Variants in ANKRD55 observed in about 807,000 individuals in gnomAD.
ANKRD55 encodes ankyrin repeat domain 55, also known as ankyrin repeat domain-containing protein 55.
Under a neutral mutation model 60.6 loss-of-function variants are expected in ANKRD55, and 41 were observed. The observed-to-expected ratio is 0.68, with a 90% CI of 0.53 to 0.88. ANKRD55 has a LOEUF of 0.88. ANKRD55 is among the 40% of genes least tolerant of loss of function. The pLI, the probability that ANKRD55 is intolerant of heterozygous loss-of-function variation, is 0.00. For missense variants in ANKRD55, 732 were observed against 767.6 expected (o/e 0.95, Z 0.55); for synonymous variants, 264 against 290.3 (o/e 0.91, Z 0.92).
intron 9 of ANKRD55, among the ~76,000 whole-genome samples, chr5:56,113,533 T>C (rs1418222847): frequency 2.6e-5 from 4 of 152,136 alleles, no homozygotes; most frequent in Admixed American, 2.0e-4. Context: ...ATTGTTTGAG[T>C]CGCGGGCTGA....
intron 1 of ANKRD55, 35 bp from the exon 2 acceptor site, chr5:56,232,981 G>A: frequency 1.4e-6 from 2 of 1,464,324 alleles, no homozygotes; most frequent in Non-Finnish European, 9.6e-7. Flanking sequence ...AAACCTTACT[G>A]TCAACATGAC....
intron 1 of ANKRD55, 25 bp from the exon 2 acceptor site, chr5:56,232,971 A>C: frequency 3.8e-5 from 58 of 1,516,584 alleles, no homozygotes; most frequent in Non-Finnish European, 4.8e-5. Flanking sequence ...ACACCATCTC[A>C]AACCTTACTG....
chr5:56,189,235 C>T lies in ANKRD55; in HGVS notation c.59-5601G>A, dbSNP rs906194979. On this transcript the variant is annotated intron_variant, in intron 2 of 11. Transcript: ENST00000341048. ...CTGAGGCAGGAGAATGGTGTGAATC[C>T]GGGAGGCGGAGCTTGCAGTGAGCCA... Among the ~76,000 whole-genome samples the T allele has an allele frequency of 2.7e-4, 40 of 148,098 alleles. 1 individual carries two copies. Among genetic ancestry groups the T allele is most frequent in the East Asian group, 2.0e-4 (1 of 4,956 alleles).
chr5:56,153,482 T>C (rs1758106412), intron 6 of ANKRD55, among the ~76,000 whole-genome samples: 1 of 152,144 alleles, frequency 6.6e-6, no homozygotes, highest in South Asian at 2.1e-4. Flanking sequence ...TATCCATTCA[T>C]AGGGGAATGG....
chr5:56,188,574 T>A (rs974170000), intron 2 of ANKRD55, among the ~76,000 whole-genome samples: 4 of 152,224 alleles, frequency 2.6e-5, no homozygotes, highest in Non-Finnish European at 5.9e-5. Context: ...TTGACGAGAC[T>A]GTCCTTTCCC....
chr5:56,163,964 C>T (rs943468385), intron 5 of ANKRD55, among the ~76,000 whole-genome samples: 1 of 152,010 alleles, frequency 6.6e-6, no homozygotes, highest in Admixed American at 6.6e-5. Flanking sequence ...TGATGGTGGG[C>T]ACCTGTAATT....
At chr5:56,216,949 G>A (rs1759827599) in intron 2 of ANKRD55, among the ~76,000 whole-genome samples, 2 of 152,200 alleles carry the variant, frequency 1.3e-5, no homozygotes, top group Non-Finnish European at 2.9e-5. Flanking sequence ...TTTCAATGTA[G>A]ATAAAACAGC....
intron 2 of ANKRD55, among the ~76,000 whole-genome samples, chr5:56,226,473 T>C (rs1253277035): frequency 6.6e-6 from 1 of 152,038 alleles, no homozygotes; most frequent in Non-Finnish European, 1.5e-5. Flanking sequence ...AAAGCCAAAA[T>C]TGACAAATGG....
chr5:56,230,352 C>G (rs543705103), intron 2 of ANKRD55, among the ~76,000 whole-genome samples: 8 of 152,336 alleles, frequency 5.3e-5, no homozygotes, highest in African/African-American at 1.9e-4. Flanking sequence ...CTCGGCCTCC[C>G]AAAGCACTGG....
At chr5:56,100,749 G>A (rs895216354) in intron 11 of ANKRD55, among the ~76,000 whole-genome samples, 1 of 152,168 alleles carries the variant, frequency 6.6e-6, no homozygotes, top group Non-Finnish European at 1.5e-5. Context: ...GTTGATCAAA[G>A]ATCTTTATCT....
intron 8 of ANKRD55, among the ~76,000 whole-genome samples, chr5:56,124,929 A>G (rs1276850): frequency 0.64 from 97,130 of 152,102 alleles, 31,754 homozygotes; most frequent in African/African-American, 0.79. Flanking sequence ...AGGCCTCTGA[A>G]TTGAGTACTG....
chr5:56,223,546 T>G (rs1760025668), intron 2 of ANKRD55, among the ~76,000 whole-genome samples: 1 of 152,254 alleles, frequency 6.6e-6, no homozygotes, highest in South Asian at 2.1e-4. Flanking sequence ...CCAATTAAAA[T>G]ACACAGACTG....
intron 5 of ANKRD55, among the ~76,000 whole-genome samples, chr5:56,163,399 T>C (rs1436127953): frequency 1.3e-5 from 2 of 152,168 alleles, no homozygotes; most frequent in East Asian, 1.9e-4. Flanking sequence ...AGCCCTCTGT[T>C]GTGCTTCCCC....
chr5:56,172,473 T>A (rs544619867), intron 4 of ANKRD55, among the ~76,000 whole-genome samples: 139 of 152,254 alleles, frequency 9.1e-4, no homozygotes, highest in African/African-American at 3.2e-3. Flanking sequence ...GCCAAAGATT[T>A]ACAGTTTTCG....
intron 2 of ANKRD55, among the ~76,000 whole-genome samples, chr5:56,187,719 T>A (rs2111838116): frequency 6.6e-6 from 1 of 152,372 alleles, no homozygotes; most frequent in East Asian, 1.9e-4. Flanking sequence ...CTAATCGAGC[T>A]GAACGCTAGT....
At chr5:56,148,266 T>C (rs1297160682) in intron 6 of ANKRD55, among the ~76,000 whole-genome samples, 1 of 152,168 alleles carries the variant, frequency 6.6e-6, no homozygotes, top group Non-Finnish European at 1.5e-5. Flanking sequence ...CACTGAGGGA[T>C]AAACTGAGCC....
At position 56,159,874 on chromosome 5, in the gene ANKRD55, G is replaced by GC; in HGVS notation, c.441dup (p.Gln148AlafsTer9). 1 of 1,613,852 alleles carries GC rather than the reference G, an allele frequency of 6.2e-7. No homozygotes were observed. The highest frequency in any genetic ancestry group is 8.5e-7 in the Non-Finnish European group (1 of 1,179,794). ...TTAATCTCGCTGATGTTCGACTGTT[G>GC]CAACAGGACCGTGAGGAGCCTGTAA... On this transcript the variant is annotated frameshift_variant, in exon 6 of 12. Transcript: ENST00000341048. LOFTEE classifies it high-confidence loss of function.
At chr5:56,151,990 C>A (rs1277740948) in intron 6 of ANKRD55, among the ~76,000 whole-genome samples, 2 of 147,786 alleles carry the variant, frequency 1.4e-5, no homozygotes, top group African/African-American at 5.0e-5. Flanking sequence ...AGCTTTTGTG[C>A]AAGCTACTGA....
At chr5:56,124,460 G>A (rs1344369958) in intron 8 of ANKRD55, among the ~76,000 whole-genome samples, 10 of 152,212 alleles carry the variant, frequency 6.6e-5, no homozygotes, top group Admixed American at 5.9e-4. Flanking sequence ...AATACTTAAA[G>A]CACATAAACC....
Sources: gnomAD v4.1 joint callset for allele counts (sites outside exome capture counted in the v4.1 genomes callset) on GRCh38, gnomAD v4.1.1 for gene constraint, MANE v1.5 for transcripts, NCBI Gene and HGNC (gene_info 2026-07-23, HGNC 2026-07-21) for gene names.